The following PCDHA8 variants were observed in gnomAD, a reference collection of about 807,000 sequenced individuals.
PCDHA8 encodes the protein protocadherin alpha 8.
In PCDHA8, 53 loss-of-function variants were observed where a neutral mutation model predicts 61.8. That is an observed-to-expected ratio of 0.86 (90% confidence interval 0.69 to 1.08). The LOEUF (loss-of-function observed/expected upper bound fraction) is 1.08, where lower values mean the gene tolerates loss of function less well. PCDHA8 is among the 50% of genes least tolerant of loss of function. PCDHA8 has a pLI of 0.00. For synonymous variants in PCDHA8, 618 were observed against 556.6 expected, an observed-to-expected ratio of 1.11 and a Z score of -1.55; for missense variants, 1,293 against 1,245.0, an observed-to-expected ratio of 1.04 and a Z score of -0.58.
At chr5:140,880,083 A>G (rs1453702460) in intron 1 of PCDHA8, among the ~76,000 whole-genome samples, 2 of 152,242 alleles carry the variant, frequency 1.3e-5, no homozygotes, top group African/African-American at 4.8e-5. Context: ...TCAACCTATT[A>G]TAGTAGGCTT....
chr5:140,914,020 C>T (rs2076562854), intron 1 of PCDHA8, among the ~76,000 whole-genome samples: 1 of 152,036 alleles, frequency 6.6e-6, no homozygotes, highest in African/African-American at 2.4e-5. Context: ...GAGAATGATC[C>T]ACGTGCTGAG....
At chr5:140,919,658 T>G (rs1271844986) in intron 1 of PCDHA8, among the ~76,000 whole-genome samples, 1 of 152,230 alleles carries the variant, frequency 6.6e-6, no homozygotes, top group South Asian at 2.1e-4. Context: ...GTTTACCATA[T>G]ATATTTTAGC....
At chr5:140,968,776 A>G (rs1346540500) in intron 1 of PCDHA8, 4 of 1,614,082 alleles carry the variant, frequency 2.5e-6, no homozygotes, top group Admixed American at 3.3e-5. Context: ...AGCCATCACT[A>G]TCAGCCTCTG....
intron 1 of PCDHA8, chr5:140,851,252 G>A: frequency 9.2e-7 from 1 of 1,089,164 alleles, no homozygotes; most frequent in Non-Finnish European, 1.2e-6. Flanking sequence ...ATGATGCATA[G>A]TATTTTAGTC....
intron 3 of PCDHA8, among the ~76,000 whole-genome samples, chr5:140,990,966 A>G (rs2097424130): frequency 6.6e-6 from 1 of 152,214 alleles, no homozygotes; most frequent in Non-Finnish European, 1.5e-5. Context: ...GTCTCTTAGA[A>G]CAAGAGAAAG....
chr5:140,967,641 T>C (rs2096165933), intron 1 of PCDHA8: 1 of 1,614,004 alleles, frequency 6.2e-7, no homozygotes, highest in East Asian at 2.2e-5. Context: ...AATGGTGAGC[T>C]CAGGTACTCC....
intron 1 of PCDHA8, among the ~76,000 whole-genome samples, chr5:140,904,267 A>C (rs2070997540): frequency 6.6e-6 from 1 of 152,016 alleles, no homozygotes; most frequent in South Asian, 2.1e-4. Context: ...CCCACTTATG[A>C]ATGAGAACAT....
chr5:140,990,605 A>T (rs1234326404), intron 3 of PCDHA8, among the ~76,000 whole-genome samples: 4 of 152,214 alleles, frequency 2.6e-5, no homozygotes, highest in Non-Finnish European at 4.4e-5. Flanking sequence ...GAGTCAGATG[A>T]ATACCGTAAA....
intron 1 of PCDHA8, among the ~76,000 whole-genome samples, chr5:140,887,136 G>A (rs1460345753): frequency 2.2e-4 from 33 of 148,834 alleles, no homozygotes; most frequent in Middle Eastern, 3.2e-3. Context: ...TCACTCTGTC[G>A]CCCAGGCTGG....
Position 140,841,839 on chromosome 5 carries a change from G to T in PCDHA8, c.518G>T (p.Ser173Ile). The stretch of plus-strand genomic sequence containing the variant: ...AACTCCGTGTTAACCTACAGGCTTA[G>T]CTCTCATGATTACTTCATGCTAGAT... ...GANSVLTYRL[S>I]SHDYFMLDVN... The change falls in exon 1 of 4, where the codon AGC (serine) becomes ATC (isoleucine). Residue 173 changes from serine (S) to isoleucine (I), a missense_variant. Coordinates refer to ENST00000531613, the MANE Select transcript of PCDHA8 (RefSeq NM_018911.3). 1 of 1,613,898 alleles carries T rather than the reference G, an allele frequency of 6.2e-7. No homozygotes were observed. The highest frequency in any genetic ancestry group is 1.1e-5 in the South Asian group (1 of 91,080).
At chr5:140,877,578 C>A (rs782777600) in intron 1 of PCDHA8, 6 of 1,613,700 alleles carry the variant, frequency 3.7e-6, no homozygotes, top group East Asian at 2.2e-5. Flanking sequence ...ACCTCATCAT[C>A]GCCATCTGTG....
intron 1 of PCDHA8, among the ~76,000 whole-genome samples, chr5:140,916,791 G>A (rs1159820496): frequency 6.6e-6 from 1 of 152,128 alleles, no homozygotes; most frequent in Admixed American, 6.5e-5. Flanking sequence ...AGCTGCCCCA[G>A]CTGATGACTT....
chr5:140,856,210 G>A, intron 1 of PCDHA8: 1 of 1,598,116 alleles, frequency 6.3e-7, no homozygotes, highest in Non-Finnish European at 8.6e-7. Flanking sequence ...TGGGGCTGGA[G>A]CTGGCGGAGC....
intron 1 of PCDHA8, among the ~76,000 whole-genome samples, chr5:140,953,492 G>T (rs542677103): frequency 6.6e-6 from 1 of 152,188 alleles, no homozygotes; most frequent in East Asian, 1.9e-4. Context: ...TCACAACCTT[G>T]ATCAGCTATT....
At chr5:140,906,017 C>G (rs1172988114) in intron 1 of PCDHA8, among the ~76,000 whole-genome samples, 2 of 152,188 alleles carry the variant, frequency 1.3e-5, no homozygotes, top group African/African-American at 2.4e-5. Flanking sequence ...AGTCTAATCT[C>G]TCCACGTTCT....
At chr5:140,868,806 G>T (rs374832846) in intron 1 of PCDHA8, 1 of 357,072 alleles carries the variant, frequency 2.8e-6, no homozygotes, top group South Asian at 6.9e-5. Flanking sequence ...AAATAAGCAC[G>T]TTGGAAATAT....
At chr5:140,953,408 TG>T (rs782455726) in intron 1 of PCDHA8, among the ~76,000 whole-genome samples, 5 of 152,168 alleles carry the variant, frequency 3.3e-5, no homozygotes, top group Non-Finnish European at 5.9e-5. Context: ...CTGTTGCTCC[TG>T]GCTCCTCCCC....
intron 1 of PCDHA8, chr5:140,928,202 A>G: frequency 6.2e-7 from 1 of 1,614,210 alleles, no homozygotes; most frequent in Non-Finnish European, 8.5e-7. Flanking sequence ...TCAGTTGCTG[A>G]TGTGAATGAC....
rs1489202467 is a variant in PCDHA8 at position 140,882,704 on chromosome 5, A to G, written c.2394+38989A>G. ...GAAACGAATAATCATTGCAGAATCTAGACCTCCGGAAACTCGATTTCCACT... is the reference window on the plus strand; with the variant it reads ...GAAACGAATAATCATTGCAGAATCTGGACCTCCGGAAACTCGATTTCCACT... On this transcript the variant is annotated intron_variant, in intron 1 of 3. Coordinates refer to ENST00000531613, the MANE Select transcript of PCDHA8 (RefSeq NM_018911.3). 6 of 1,614,110 alleles carry G rather than the reference A, an allele frequency of 3.7e-6. No individual in the cohort carries two copies. The African/African-American group carries it at 8.0e-5, about 22-fold the overall frequency.
Sources: gnomAD v4.1 joint callset for allele counts (sites outside exome capture counted in the v4.1 genomes callset) on GRCh38, gnomAD v4.1.1 for gene constraint, MANE v1.5 for transcripts, NCBI Gene and HGNC (gene_info 2026-07-23, HGNC 2026-07-21) for gene names.